OPRM1: variants seen among roughly 807,000 people sequenced by gnomAD.
The protein encoded by OPRM1 is opioid receptor mu 1, also known as mu-type opioid receptor.
In OPRM1, 27 loss-of-function variants were observed where a neutral mutation model predicts 31.8. That is an observed-to-expected ratio of 0.85 (90% CI 0.63 to 1.17). The LOEUF (loss-of-function observed/expected upper bound fraction) is 1.17, where lower values mean the gene tolerates loss of function less well. OPRM1 is among the 50% of genes most tolerant of loss of function. OPRM1 has a pLI of 0.00. For missense variants in OPRM1, 536 were observed against 511.1 expected, an observed-to-expected ratio of 1.05 and a Z score of -0.47; for synonymous variants, 196 against 189.9, an observed-to-expected ratio of 1.03 and a Z score of -0.26.
intron 3 of OPRM1, chr6:154,156,873 T>C (rs1798738882): frequency 6.6e-6 from 1 of 152,232 alleles, no homozygotes. Context: ...AAGGTCCTCT[T>C]CACAACCCCA....
At chr6:154,084,917 A>AACAC (rs71669485) in intron 1 of OPRM1, among the ~76,000 whole-genome samples, 1,793 of 146,472 alleles carry the variant, frequency 0.012, 33 homozygotes, top group African/African-American at 0.035. Context: ...TGTGGAATTA[A>AACAC]ACACACACAC....
chr6:154,245,608 G>T (rs11155954), intron 3 of OPRM1, among the ~76,000 whole-genome samples: 23,680 of 152,170 alleles, frequency 0.16, 2,322 homozygotes, highest in Non-Finnish European at 0.21. Context: ...TGACATGCAT[G>T]CCCACGTCAT....
In OPRM1 at chr6:154,121,230, C is replaced by G. The variant is rs542378283; in HGVS notation, c.*2509C>G. On this transcript the variant is annotated 3_prime_UTR_variant, in exon 4 of 4. Coordinates refer to ENST00000330432, the MANE Select transcript of OPRM1 (RefSeq NM_000914.5). ...TAGCTATGGGGCGGAAGCTTTGTTT[C>G]TTTACCTGATCACTTGCTGTGGAAA... Among the ~76,000 whole-genome samples the G allele has an allele frequency of 6.6e-6, 1 of 152,178 alleles. No individual in the cohort carries two copies. Among genetic ancestry groups the G allele is most frequent in the Non-Finnish European group, 1.5e-5 (1 of 68,010 alleles).
chr6:154,224,130 G>C (rs1779073117), intron 3 of OPRM1, among the ~76,000 whole-genome samples: 1 of 152,172 alleles, frequency 6.6e-6, no homozygotes, highest in African/African-American at 2.4e-5. Context: ...GAATCTACAA[G>C]ATTAAACATA....
At chr6:154,181,835 G>T (rs1800903882) in intron 3 of OPRM1, among the ~76,000 whole-genome samples, 1 of 152,270 alleles carries the variant, frequency 6.6e-6, no homozygotes, top group African/African-American at 2.4e-5. Flanking sequence ...GACACTTGGG[G>T]ATCATGAACC....
chr6:154,041,366 G>T (rs1780026316), intron 1 of OPRM1, among the ~76,000 whole-genome samples: 1 of 152,120 alleles, frequency 6.6e-6, no homozygotes, highest in South Asian at 2.1e-4. Context: ...TCAATACAAT[G>T]ATTCACATTG....
intron 3 of OPRM1, among the ~76,000 whole-genome samples, chr6:154,242,450 T>G (rs1780672294): frequency 6.6e-6 from 1 of 152,234 alleles, no homozygotes; most frequent in South Asian, 2.1e-4. Context: ...AATTAAGAAC[T>G]ATTAATTGAG....
intron 1 of OPRM1, among the ~76,000 whole-genome samples, chr6:154,012,841 G>A (rs772371737): frequency 4.6e-5 from 7 of 152,016 alleles, no homozygotes; most frequent in African/African-American, 1.2e-4. Flanking sequence ...ATAGATAGCC[G>A]TCCTTTGCTG....
chr6:154,043,932 C>T (rs911180159), intron 1 of OPRM1, among the ~76,000 whole-genome samples: 1 of 152,126 alleles, frequency 6.6e-6, no homozygotes, highest in African/African-American at 2.4e-5. Flanking sequence ...CTTTTCCTTT[C>T]CTTGGTTGTA....
chr6:154,214,211 A>G (rs750784150), intron 3 of OPRM1: 3 of 1,582,950 alleles, frequency 1.9e-6, no homozygotes, highest in South Asian at 2.2e-5. Context: ...TTTAAAATAG[A>G]ACATACCTTC....
At chr6:154,176,787 T>G (rs888913383) in intron 3 of OPRM1, among the ~76,000 whole-genome samples, 2 of 152,186 alleles carry the variant, frequency 1.3e-5, no homozygotes, top group Middle Eastern at 3.2e-3. Context: ...CCACTGACTC[T>G]TCACAGAATT....
chr6:154,192,318 C>CTGTGTGTGTGTG (rs56231733), intron 3 of OPRM1, among the ~76,000 whole-genome samples: 1,877 of 148,068 alleles, frequency 0.013, 29 homozygotes, highest in African/African-American at 0.034. Flanking sequence ...CACGTGGTTA[C>CTGTGTGTGTGTG]TGTGTGTGTG....
At chr6:154,141,980 G>C (rs1446251080) in intron 3 of OPRM1, among the ~76,000 whole-genome samples, 1 of 152,168 alleles carries the variant, frequency 6.6e-6, no homozygotes, top group Non-Finnish European at 1.5e-5. Flanking sequence ...TTTTACACAA[G>C]TGGTTGCTAG....
At chr6:154,172,411 C>A (rs1481229481) in intron 3 of OPRM1, among the ~76,000 whole-genome samples, 1 of 152,174 alleles carries the variant, frequency 6.6e-6, no homozygotes, top group African/African-American at 2.4e-5. Flanking sequence ...GTAACCGTAC[C>A]TGGAGGAATG....
chr6:154,213,764 C>G (rs1778154109), intron 3 of OPRM1, among the ~76,000 whole-genome samples: 1 of 152,120 alleles, frequency 6.6e-6, no homozygotes, highest in African/African-American at 2.4e-5. Flanking sequence ...AAAAATATGG[C>G]CTGTGTCCCA....
At chr6:154,072,823 A>G (rs1271200718) in intron 1 of OPRM1, among the ~76,000 whole-genome samples, 1 of 152,162 alleles carries the variant, frequency 6.6e-6, no homozygotes, top group Non-Finnish European at 1.5e-5. Context: ...TGGCTTCCCA[A>G]TTCTAATCCC....
intron 3 of OPRM1, among the ~76,000 whole-genome samples, chr6:154,208,265 G>A: frequency 6.6e-6 from 1 of 152,142 alleles, no homozygotes; most frequent in Non-Finnish European, 1.5e-5. Flanking sequence ...GCTCCTTGCA[G>A]TACCACACAC....
At position 154,119,335 on chromosome 6, in the gene OPRM1, T is replaced by C; in HGVS notation, c.*614T>C. On this transcript the variant is annotated 3_prime_UTR_variant, in exon 4 of 4. Transcript: ENST00000330432. The stretch of plus-strand genomic sequence containing the variant: ...ATAATTGCAAGGGAAGAGATTAGCA[T>C]GAAAGGTAATCTGAAACACAGTCAT... 1 of 985,422 alleles carries C rather than the reference T, an allele frequency of 1.0e-6. No homozygotes were observed. The highest frequency in any genetic ancestry group is 1.2e-6 in the Non-Finnish European group (1 of 829,896). 61.0% of individuals were successfully genotyped at this position (985,422 alleles called of 1,614,324 possible).
At chr6:154,176,521 C>T (rs143845646) in intron 3 of OPRM1, among the ~76,000 whole-genome samples, 5,795 of 152,170 alleles carry the variant, frequency 0.038, 352 homozygotes, top group African/African-American at 0.13. Context: ...CATTCCAATA[C>T]ACCAATAACA....
Sources: gnomAD v4.1 joint callset for allele counts (sites outside exome capture counted in the v4.1 genomes callset) on GRCh38, gnomAD v4.1.1 for gene constraint, MANE v1.5 for transcripts, NCBI Gene and HGNC (gene_info 2026-07-23, HGNC 2026-07-21) for gene names.